Variants in RGPD8 observed in about 807,000 individuals in gnomAD.
RGPD8 encodes RANBP2-like and GRIP domain-containing protein 8.
A neutral mutation model predicts 89.1 loss-of-function variants in RGPD8; 15 were observed. The ratio of observed to expected loss-of-function variants is 0.17; its 90% CI spans 0.11 to 0.26. The LOEUF (loss-of-function observed/expected upper bound fraction) is 0.26, where lower values mean the gene tolerates loss of function less well. Ranked by LOEUF, RGPD8 falls within the 10% of genes least tolerant of loss-of-function variation. The pLI, the probability that RGPD8 is intolerant of heterozygous loss-of-function variation, is 1.00. For missense variants in RGPD8, 178 were observed against 1,179.6 expected, an observed-to-expected ratio of 0.15 and a Z score of 12.44; for synonymous variants, 62 against 420.9, an observed-to-expected ratio of 0.15 and a Z score of 10.44.
At chr2:112,402,495 C>CAAGAAAAGGA (rs1553503525) in intron 9 of RGPD8, among the ~76,000 whole-genome samples, 1 of 147,012 alleles carries the variant, frequency 6.8e-6, no homozygotes, top group Non-Finnish European at 1.5e-5. Context: ...GTCTCAAAAA[C>CAAGAAAAGGA]AAGAAAAGAA....
chr2:112,429,551 A>G (rs1679932249), intron 1 of RGPD8, among the ~76,000 whole-genome samples: 1 of 151,950 alleles, frequency 6.6e-6, no homozygotes, highest in Non-Finnish European at 1.5e-5. Flanking sequence ...AAAAACAACT[A>G]ACAGCTGTCA....
chr2:112,430,975 G>A (rs894372344), intron 1 of RGPD8, among the ~76,000 whole-genome samples: 21 of 152,030 alleles, frequency 1.4e-4, no homozygotes, highest in South Asian at 6.2e-4. Context: ...AATAATGGCC[G>A]GTGCAGTGGC....
intron 1 of RGPD8, among the ~76,000 whole-genome samples, chr2:112,431,766 A>G (rs999552980): frequency 1.3e-5 from 2 of 151,638 alleles, no homozygotes; most frequent in African/African-American, 4.9e-5. Context: ...CCTCCCAGGT[A>G]GCTGGGACTA....
chr2:112,388,774 GCTT>G lies in RGPD8; in HGVS notation c.4168_4170del (p.Lys1390del). 1 of 520,254 alleles carries G rather than the reference GCTT, an allele frequency of 1.9e-6. No homozygotes were observed. The highest frequency in any genetic ancestry group is 3.1e-6 in the Non-Finnish European group (1 of 322,908). 32.2% of individuals were successfully genotyped at this position (520,254 alleles called of 1,614,324 possible). On this transcript the variant is annotated inframe_deletion, in exon 20 of 23. Coordinates refer to ENST00000302558, the MANE Select transcript of RGPD8 (RefSeq NM_001164463.1). ...TCCCTTCTCATCACTATACGAACTT[GCTT>G]ATTATCATAATTCTGTAAAATCTTT...
At chr2:112,425,828 C>T (rs1679747684) in intron 1 of RGPD8, among the ~76,000 whole-genome samples, 1 of 151,492 alleles carries the variant, frequency 6.6e-6, no homozygotes, top group Non-Finnish European at 1.5e-5. Flanking sequence ...TACAGCTACT[C>T]AAACATCTTA....
chr2:112,374,957 G>A (rs1280866799), intron 22 of RGPD8, among the ~76,000 whole-genome samples: 1 of 136,172 alleles, frequency 7.3e-6, no homozygotes, highest in Admixed American at 7.3e-5. Context: ...CTGCCTCCTG[G>A]GTTCAAGCAG....
intron 1 of RGPD8, chr2:112,432,431 C>G (rs539618720): frequency 1.0e-6 from 1 of 972,182 alleles, no homozygotes; most frequent in Admixed American, 6.2e-5. Context: ...TGGACCCTTA[C>G]AAAGGGACAG....
intron 1 of RGPD8, among the ~76,000 whole-genome samples, 196 bp downstream of exon 1, chr2:112,433,186 C>G: frequency 7.3e-6 from 1 of 136,518 alleles, no homozygotes; most frequent in Non-Finnish European, 1.6e-5. Context: ...GAGCAGCGCC[C>G]GTCGGGAGCC....
intron 6 of RGPD8, among the ~76,000 whole-genome samples, chr2:112,416,308 T>A (rs1231412515): frequency 6.6e-6 from 1 of 152,216 alleles, no homozygotes; most frequent in Non-Finnish European, 1.5e-5. Context: ...GGACACTATG[T>A]ACTTTTTCAA....
chr2:112,431,918 G>A (rs950746920), intron 1 of RGPD8, among the ~76,000 whole-genome samples: 4 of 152,222 alleles, frequency 2.6e-5, no homozygotes, highest in Non-Finnish European at 5.9e-5. Flanking sequence ...GGGATTACAG[G>A]CGTGAGCCAC....
In RGPD8 at chr2:112,429,795, G is replaced by T. The variant is rs1336898345; in HGVS notation, c.72+3587C>A. On this transcript the variant is annotated intron_variant, in intron 1 of 22. Coordinates refer to ENST00000302558, the MANE Select transcript of RGPD8 (RefSeq NM_001164463.1). The stretch of plus-strand genomic sequence containing the variant: ...TCGGGAAAAAGAAAAACTAGAGAAA[G>T]AATTATATTTTTTTCCTTTTTTCTT... 2.6e-5 allele frequency among the ~76,000 whole-genome samples: 4 copies of T among 152,172 alleles called. No individual in the cohort carries two copies. In the South Asian group the frequency reaches 6.2e-4, roughly 24 times the overall value.
At chr2:112,413,622 A>G (rs1164284380) in intron 6 of RGPD8, among the ~76,000 whole-genome samples, 1 of 137,164 alleles carries the variant, frequency 7.3e-6, no homozygotes, top group Non-Finnish European at 1.6e-5. Context: ...CAGGGGATCC[A>G]TGAAGTTAAA....
Position 112,433,244 on chromosome 2 carries a change from C to G in RGPD8, c.72+138G>C, listed in dbSNP as rs560283384. 10 of 967,640 alleles carry G rather than the reference C, an allele frequency of 1.0e-5. No individual in the cohort carries two copies. In the South Asian group the frequency reaches 2.0e-4, roughly 19 times the overall value. 59.9% of individuals were successfully genotyped at this position (967,640 alleles called of 1,614,324 possible). On this transcript the variant is annotated intron_variant, in intron 1 of 22. Transcript: ENST00000302558. ...CGCCGCCGGGCCGGGTGGAGGCCGCCGCCTCAACAGAGCGCGCCAGGGAGC... is the reference window on the plus strand; with the variant it reads ...CGCCGCCGGGCCGGGTGGAGGCCGCGGCCTCAACAGAGCGCGCCAGGGAGC...
chr2:112,415,787 A>G (rs1401876225), intron 6 of RGPD8, among the ~76,000 whole-genome samples: 1 of 146,166 alleles, frequency 6.8e-6, no homozygotes, highest in Non-Finnish European at 1.5e-5. Context: ...GGAGGCAGAG[A>G]CAAGAGAATC....
chr2:112,390,261 G>A lies in RGPD8; in HGVS notation c.2698-14C>T, dbSNP rs767102196. The A allele has an allele frequency of 1.3e-6, 2 of 1,515,316 alleles. No individual in the cohort carries two copies. Among genetic ancestry groups the A allele is most frequent in the South Asian group, 2.3e-5 (2 of 85,168 alleles). 93.9% of individuals were successfully genotyped at this position (1,515,316 alleles called of 1,614,324 possible). On this transcript the variant is annotated splice_polypyrimidine_tract_variant and intron_variant, in intron 19 of 22. Coordinates refer to ENST00000302558, the MANE Select transcript of RGPD8 (RefSeq NM_001164463.1). Reference sequence around the variant, plus strand: ...ATTAGAAGAACCCTGAAACATAAATGAAGGTGAATTTTCTTGATCCACATG... The same window carrying A: ...ATTAGAAGAACCCTGAAACATAAATAAAGGTGAATTTTCTTGATCCACATG...
rs529299595 is a variant in RGPD8 at position 112,432,697 on chromosome 2, T to C, written c.72+685A>G. On this transcript the variant is annotated intron_variant, in intron 1 of 22. Coordinates refer to ENST00000302558, the MANE Select transcript of RGPD8 (RefSeq NM_001164463.1). ...CCCGGGTGCCCAAGCCCCCGAGAAC[T>C]AGGCCGCGCGGGTACTACGGGGCCA... 6.1e-6 allele frequency: 6 copies of C among 984,552 alleles called. No homozygotes were observed. The South Asian group carries it at 1.4e-4, about 23-fold the overall frequency. The allele number at this position is 984,552 out of a possible 1,614,324, so 61.0% of individuals were successfully genotyped here.
chr2:112,380,636 G>A (rs1220579881), intron 21 of RGPD8, among the ~76,000 whole-genome samples, 188 bp downstream of exon 21: 4 of 117,352 alleles, frequency 3.4e-5, no homozygotes, highest in African/African-American at 1.3e-4. Flanking sequence ...CTGGGTGACA[G>A]AGCAAGACTG....
chr2:112,415,712 CAAAA>C (rs1228042690), intron 6 of RGPD8, among the ~76,000 whole-genome samples: 130 of 91,246 alleles, frequency 1.4e-3, no homozygotes, highest in Middle Eastern at 6.1e-3. Flanking sequence ...GACTCTGTCT[CAAAA>C]AAAAAAAAAA....
chr2:112,430,925 C>T (rs1238759593), intron 1 of RGPD8, among the ~76,000 whole-genome samples: 1 of 152,148 alleles, frequency 6.6e-6, no homozygotes, highest in Non-Finnish European at 1.5e-5. Flanking sequence ...CCACAGCACT[C>T]CAGCCTGGGA....
Sources: allele counts gnomAD v4.1 joint callset (sites outside exome capture counted in the v4.1 genomes callset), GRCh38; gene constraint gnomAD v4.1.1; transcripts MANE v1.5; gene names NCBI Gene and HGNC (gene_info 2026-07-23, HGNC 2026-07-21).